Variants in ZNRF3 observed in about 807,000 individuals in gnomAD.
The protein encoded by ZNRF3 is zinc and ring finger 3.
In ZNRF3, 23 loss-of-function variants were observed where a neutral mutation model predicts 72.5. The ratio of observed to expected loss-of-function variants is 0.32; its 90% CI spans 0.23 to 0.45. The LOEUF is 0.45. Ranked by LOEUF, ZNRF3 falls within the 20% of genes least tolerant of loss-of-function variation. The pLI, the probability that ZNRF3 is intolerant of heterozygous loss-of-function variation, is 1.00. For missense variants in ZNRF3, 1,169 were observed against 1,272.1 expected (o/e 0.92, Z 1.23); for synonymous variants, 610 against 545.3 (o/e 1.12, Z -1.65).
chr22:28,966,865 A>ATTT (rs2035473085), intron 1 of ZNRF3, among the ~76,000 whole-genome samples: 2 of 134,994 alleles, frequency 1.5e-5, no homozygotes, highest in African/African-American at 3.2e-5. Context: ...AGTTTTAAAA[A>ATTT]TCTTTTTTTT....
intron 1 of ZNRF3, among the ~76,000 whole-genome samples, chr22:28,952,396 C>T (rs913177888): frequency 6.6e-6 from 1 of 152,122 alleles, no homozygotes; most frequent in East Asian, 1.9e-4. Context: ...TAAGGGACAT[C>T]AGCTAGGCCT....
intron 2 of ZNRF3, among the ~76,000 whole-genome samples, chr22:29,037,709 A>G (rs1382273659): frequency 6.6e-6 from 1 of 152,180 alleles, no homozygotes; most frequent in Non-Finnish European, 1.5e-5. Context: ...CTGGGAAGGT[A>G]AATAAAAGGA....
chr22:28,977,378 CT>C (rs2035694462), intron 1 of ZNRF3, among the ~76,000 whole-genome samples: 1 of 152,064 alleles, frequency 6.6e-6, no homozygotes, highest in Admixed American at 6.6e-5. Context: ...GGTTTAGGCT[CT>C]TTGTTCAAAG....
chr22:28,932,012 A>G (rs984595164), intron 1 of ZNRF3, among the ~76,000 whole-genome samples: 2 of 152,252 alleles, frequency 1.3e-5, no homozygotes, highest in Non-Finnish European at 2.9e-5. Context: ...AACTCTAGGC[A>G]TGGGCCAGCT....
chr22:28,998,042 G>A (rs898686492), intron 2 of ZNRF3, among the ~76,000 whole-genome samples: 1 of 149,484 alleles, frequency 6.7e-6, no homozygotes, highest in Non-Finnish European at 1.5e-5. Context: ...GCTCACGCCT[G>A]TAATCCTAGC....
chr22:29,025,450 A>G (rs134555), intron 2 of ZNRF3: 151,555 of 152,308 alleles, frequency 1, 75,404 homozygotes, highest in Middle Eastern at 1. Flanking sequence ...CATCACCCCC[A>G]TCCAGGATGC....
rs1272768817 is a variant in ZNRF3 at position 29,046,756 on chromosome 22, T to C, written c.785T>C (p.Met262Thr). 4 of 1,611,294 alleles carry C rather than the reference T, an allele frequency of 2.5e-6. No individual in the cohort carries two copies. The highest frequency in any genetic ancestry group is 1.7e-5 in the Admixed American group (1 of 59,748). The change falls in exon 6 of 9, where the codon ATG (methionine) becomes ACG (threonine). Residue 262 changes from methionine (M) to threonine (T), a missense_variant. Physicochemically the swap from Met to Thr is moderately conservative, Grantham distance 81 (BLOSUM62 -1). Coordinates refer to ENST00000544604, the MANE Select transcript of ZNRF3 (RefSeq NM_001206998.2). Reference sequence around the variant, plus strand: ...CTGGCTGTGCAGGCTCTAGAGAAGATGGAAACCAGAAAGTTCAACTCCAAG... The same window carrying C: ...CTGGCTGTGCAGGCTCTAGAGAAGACGGAAACCAGAAAGTTCAACTCCAAG... ...NRLAVQALEKMETRKFNSKSK... is the reference protein window; with the variant it reads ...NRLAVQALEKTETRKFNSKSK...
At chr22:29,035,831 T>G (rs962028789) in intron 2 of ZNRF3, among the ~76,000 whole-genome samples, 1 of 152,088 alleles carries the variant, frequency 6.6e-6, no homozygotes, top group African/African-American at 2.4e-5. Context: ...CCACCCTCCT[T>G]GGCCTCCCAA....
In ZNRF3 at chr22:29,044,868, A is replaced by T. The variant is rs1350764299; in HGVS notation, c.722A>T (p.Lys241Met). Residue 241 changes from lysine (K) to methionine (M), a missense_variant, in exon 5 of 9, where the codon AAG becomes ATG. Coordinates refer to ENST00000544604, the MANE Select transcript of ZNRF3 (RefSeq NM_001206998.2). Reference protein sequence around the residue: ...LVCLILLVKIKLKQRRSQNSM... With the variant: ...LVCLILLVKIMLKQRRSQNSM... ...TGCCTCATCCTCCTTGTCAAAATCA[A>T]GCTGAAGCAGCGACGCAGTCAGGTA... The T allele has an allele frequency of 6.2e-7, 1 of 1,613,938 alleles. No homozygotes were observed. Among genetic ancestry groups the T allele is most frequent in the Non-Finnish European group, 8.5e-7 (1 of 1,179,936 alleles).
intron 1 of ZNRF3, among the ~76,000 whole-genome samples, chr22:28,982,883 C>T (rs2035790922): frequency 6.6e-6 from 1 of 152,058 alleles, no homozygotes; most frequent in East Asian, 1.9e-4. Context: ...AGACCTGAAT[C>T]GTATAATATG....
At chr22:28,973,953 CT>C (rs553300044) in intron 1 of ZNRF3, among the ~76,000 whole-genome samples, 3,344 of 111,460 alleles carry the variant, frequency 0.03, 36 homozygotes, top group African/African-American at 0.075. Flanking sequence ...CTCTCTCTCT[CT>C]TTTTTTTTTT....
chr22:28,974,881 C>G (rs1372281159), intron 1 of ZNRF3, among the ~76,000 whole-genome samples: 1 of 152,180 alleles, frequency 6.6e-6, no homozygotes, highest in East Asian at 1.9e-4. Context: ...AAGTAATCCT[C>G]CCATCTTGGC....
At chr22:28,986,533 A>T (rs1049808971) in intron 1 of ZNRF3, 2 of 828,942 alleles carry the variant, frequency 2.4e-6, no homozygotes, top group Non-Finnish European at 2.9e-6. Context: ...AAAGAATTTT[A>T]TCTGTTTCCC....
chr22:28,993,531 C>A (rs369586298), intron 2 of ZNRF3, among the ~76,000 whole-genome samples: 5 of 152,144 alleles, frequency 3.3e-5, no homozygotes, highest in African/African-American at 9.7e-5. Flanking sequence ...AACTTCTTTG[C>A]AAAGCACAAA....
chr22:28,997,637 G>C (rs1010248832), intron 2 of ZNRF3, among the ~76,000 whole-genome samples: 12 of 152,110 alleles, frequency 7.9e-5, no homozygotes, highest in African/African-American at 1.9e-4. Flanking sequence ...TTCAGTAACA[G>C]CTGGGTTACT....
At chr22:29,039,954 TGATA>T (rs908592681) in intron 2 of ZNRF3, among the ~76,000 whole-genome samples, 3 of 152,018 alleles carry the variant, frequency 2.0e-5, no homozygotes, top group Non-Finnish European at 2.9e-5. Flanking sequence ...AGCCCATCTC[TGATA>T]GATAGAAAGA....
chr22:28,936,280 G>T (rs932834282), intron 1 of ZNRF3, among the ~76,000 whole-genome samples: 1 of 151,982 alleles, frequency 6.6e-6, no homozygotes, highest in African/African-American at 2.4e-5. Flanking sequence ...ACTCAGCCAC[G>T]CCCCAGAGCC....
chr22:29,050,166 G>T lies in ZNRF3; in HGVS notation c.1985G>T (p.Ser662Ile), dbSNP rs953706699. Residue 662 changes from serine to isoleucine, a missense_variant, in exon 8 of 9, where the codon AGC (serine) becomes ATC (isoleucine). Coordinates refer to ENST00000544604, the MANE Select transcript of ZNRF3 (RefSeq NM_001206998.2). The part of the protein sequence containing the change: ...SPSGDQVSTC[S>I]LEMNYSSNSS... ...TCGGGGGATCAGGTGTCCACCTGCA[G>T]CCTGGAGATGAACTACAGCAGCAAC... is the stretch of plus-strand genomic sequence containing the variant. 1.2e-6 allele frequency: 2 copies of T among 1,603,230 alleles called. No homozygotes were observed. The highest frequency in any genetic ancestry group is 1.7e-5 in the Admixed American group (1 of 60,004).
In ZNRF3 at chr22:29,049,143, T is replaced by C. The variant is rs761684852; in HGVS notation, c.1016-54T>C. On this transcript the variant is annotated intron_variant, in intron 7 of 8. Transcript: ENST00000544604. The surrounding 1 kb of genome is among the most constrained non-coding windows in gnomAD (Gnocchi z 5.2). ...GCCCGTTTTAAAAATCCCTTTAGCC[T>C]CTGACACCAGTATGCTCAGCCCTGC... 1.1e-4 allele frequency: 174 copies of C among 1,516,466 alleles called. No homozygotes were observed. Among genetic ancestry groups the C allele is most frequent in the Non-Finnish European group, 1.4e-4 (158 of 1,128,694 alleles). 93.9% of individuals were successfully genotyped at this position (1,516,466 alleles called of 1,614,324 possible). A position where few individuals can be genotyped will look rare whatever the true frequency, so the allele number is the denominator to read the frequency against.
Sources: gnomAD v4.1 joint callset for allele counts (sites outside exome capture counted in the v4.1 genomes callset) on GRCh38, gnomAD v4.1.1 for gene constraint, Gnocchi (gnomAD v3.1) non-coding constraint, MANE v1.5 for transcripts, NCBI Gene and HGNC (gene_info 2026-07-23, HGNC 2026-07-21) for gene names.